C2CD5: variants seen among roughly 807,000 people sequenced by gnomAD.
C2CD5 encodes the protein C2 domain-containing protein 5.
Under a neutral mutation model 130.3 loss-of-function variants are expected in C2CD5, and 109 were observed. The ratio of observed to expected loss-of-function variants is 0.84; its 90% CI spans 0.72 to 0.98. The LOEUF (loss-of-function observed/expected upper bound fraction) is 0.98, where lower values mean the gene tolerates loss of function less well. Ranked by LOEUF, C2CD5 falls within the 50% of genes least tolerant of loss-of-function variation. C2CD5 has a pLI of 0.00. For synonymous variants in C2CD5, 454 were observed against 429.2 expected (o/e 1.06, Z -0.71); for missense variants, 996 against 1,261.8 (o/e 0.79, Z 3.19).
intron 10 of C2CD5, among the ~76,000 whole-genome samples, chr12:22,503,124 T>C (rs1948020128): frequency 1.3e-5 from 2 of 152,196 alleles, no homozygotes; most frequent in African/African-American, 4.8e-5. Context: ...TAATAATCCA[T>C]AGTTAGCAGG....
rs752250573 is a variant in C2CD5 at position 22,474,875 on chromosome 12, A to T, written c.1919T>A (p.Ile640Asn). ...AGGTTCTGGGATGGGTGATCCTATA[A>T]TCTCTTCAGATATCTCCTAAAAGAA... ...EINPPEISEEIIGSPIPEPRQ... is the reference protein window; with the variant it reads ...EINPPEISEENIGSPIPEPRQ... The change falls in exon 16 of 27, where the codon ATT (isoleucine) becomes AAT (asparagine). Residue 640 changes from isoleucine to asparagine, a missense_variant. Physicochemically the swap from Ile to Asn is moderately radical, Grantham distance 149. This residue lies in a region of C2CD5 where 590 missense variants were observed against 631.4 expected (regional missense o/e 0.93). Transcript: ENST00000446597. 35 of 1,590,288 alleles carry T rather than the reference A, an allele frequency of 2.2e-5. No individual in the cohort carries two copies. The Admixed American group carries it at 6.1e-4, about 28-fold the overall frequency.
chr12:22,453,266 G>C (rs960915825), intron 26 of C2CD5, among the ~76,000 whole-genome samples: 2 of 152,100 alleles, frequency 1.3e-5, no homozygotes, highest in Non-Finnish European at 2.9e-5. Flanking sequence ...ATTCATCACA[G>C]TGTACCAGTG....
At chr12:22,520,028 CT>C (rs1950128029) in intron 7 of C2CD5, among the ~76,000 whole-genome samples, 1 of 151,882 alleles carries the variant, frequency 6.6e-6, no homozygotes, top group African/African-American at 2.4e-5. Flanking sequence ...TGTGTGTATA[CT>C]TAGAGCAGTT....
intron 16 of C2CD5, 87 bp from the exon 17 acceptor site, chr12:22,472,894 A>C: frequency 1.3e-6 from 1 of 775,892 alleles, no homozygotes; most frequent in Non-Finnish European, 2.2e-6. Flanking sequence ...AGTCAAGAAA[A>C]GGCAGAGTCA....
chr12:22,488,875 C>CT (rs149777462), intron 12 of C2CD5, among the ~76,000 whole-genome samples: 6,645 of 137,680 alleles, frequency 0.048, 170 homozygotes, highest in South Asian at 0.11. Context: ...AATTTTTTTG[C>CT]TTTTTTTTTT....
At chr12:22,520,040 AT>A (rs757361580) in intron 7 of C2CD5, among the ~76,000 whole-genome samples, 1 of 152,174 alleles carries the variant, frequency 6.6e-6, no homozygotes, top group Non-Finnish European at 1.5e-5. Flanking sequence ...TAGAGCAGTT[AT>A]ACAAGTATAT....
At position 22,518,071 on chromosome 12, in the gene C2CD5, G is replaced by GT; in HGVS notation, c.866dup (p.Asn289LysfsTer20). On this transcript the variant is annotated frameshift_variant, in exon 8 of 27. Transcript: ENST00000446597. LOFTEE classifies it high-confidence loss of function. ...TGGAAGGTGAAAAGGAATAAGTTTGGTTTTTCAGAGGGGTTGAGGGTCCTG... is the reference window on the plus strand; with the variant it reads ...TGGAAGGTGAAAAGGAATAAGTTTGGTTTTTTCAGAGGGGTTGAGGGTCCTG... 6.2e-7 allele frequency: 1 copy of GT among 1,613,824 alleles called. No individual in the cohort carries two copies. Among genetic ancestry groups the GT allele is most frequent in the Non-Finnish European group, 8.5e-7 (1 of 1,179,688 alleles).
At chr12:22,454,997 G>T (rs1939518112) in intron 25 of C2CD5, among the ~76,000 whole-genome samples, 1 of 152,102 alleles carries the variant, frequency 6.6e-6, no homozygotes, top group South Asian at 2.1e-4. Context: ...TTCAACCTAG[G>T]TTTCCACAAA....
intron 3 of C2CD5, 30 bp from the exon 4 acceptor site, chr12:22,527,922 T>C (rs775905910): frequency 1.7e-5 from 25 of 1,438,644 alleles, no homozygotes; most frequent in African/African-American, 1.3e-4. Flanking sequence ...TTAAAACTCA[T>C]ATAGTTTTTA....
chr12:22,504,437 G>A (rs550495918), intron 10 of C2CD5, among the ~76,000 whole-genome samples: 129 of 152,034 alleles, frequency 8.5e-4, no homozygotes, highest in Admixed American at 2.4e-3. Flanking sequence ...GAGTAGCTGG[G>A]ACTACAGGCG....
intron 22 of C2CD5, among the ~76,000 whole-genome samples, chr12:22,468,764 A>G (rs1362319879): frequency 3.9e-5 from 6 of 152,212 alleles, no homozygotes; most frequent in Non-Finnish European, 4.4e-5. Context: ...TTGAAATATG[A>G]GACAAGATCT....
intron 15 of C2CD5, 42 bp downstream of exon 15, chr12:22,478,271 A>G: frequency 6.6e-7 from 1 of 1,511,750 alleles, no homozygotes; most frequent in Non-Finnish European, 9.2e-7. Flanking sequence ...ATACTAATAA[A>G]CAATAACTGA....
chr12:22,530,099 T>TATAC (rs1473948538), intron 3 of C2CD5, among the ~76,000 whole-genome samples: 1 of 113,340 alleles, frequency 8.8e-6, no homozygotes, highest in Non-Finnish European at 1.8e-5. Flanking sequence ...TATATATATA[T>TATAC]ATATATATAT....
chr12:22,511,527 G>C (rs1406005483), intron 9 of C2CD5, among the ~76,000 whole-genome samples: 1 of 152,164 alleles, frequency 6.6e-6, no homozygotes. Flanking sequence ...GCCAACTCAG[G>C]ACTGACAAGG....
intron 16 of C2CD5, 26 bp from the exon 17 acceptor site, chr12:22,472,833 T>A (rs1343240334): frequency 1.6e-6 from 2 of 1,221,522 alleles, no homozygotes; most frequent in Non-Finnish European, 2.4e-6. Context: ...AAAACTATTT[T>A]ATAAGTAGTA....
chr12:22,525,330 T>C (rs1314645483), intron 5 of C2CD5, among the ~76,000 whole-genome samples: 2 of 152,200 alleles, frequency 1.3e-5, no homozygotes, highest in African/African-American at 2.4e-5. Context: ...AGCACCATAG[T>C]GCTTAGCCGT....
chr12:22,491,796 C>T (rs924512380), intron 11 of C2CD5, among the ~76,000 whole-genome samples: 1 of 146,678 alleles, frequency 6.8e-6, no homozygotes. Flanking sequence ...CACTTGAACC[C>T]GGGAGGTGGA....
intron 26 of C2CD5, among the ~76,000 whole-genome samples, chr12:22,452,926 A>G (rs1939013691): frequency 6.6e-6 from 1 of 152,118 alleles, no homozygotes; most frequent in East Asian, 1.9e-4. Context: ...ACAATTTTGC[A>G]TTTCCATAAT....
At chr12:22,521,544 T>C (rs1950266719) in intron 7 of C2CD5, among the ~76,000 whole-genome samples, 1 of 152,130 alleles carries the variant, frequency 6.6e-6, no homozygotes, top group South Asian at 2.1e-4. Flanking sequence ...CTAGTAAATA[T>C]TTACTTAAAT....
Sources: allele counts gnomAD v4.1 joint callset (sites outside exome capture counted in the v4.1 genomes callset), GRCh38; gene constraint gnomAD v4.1.1; regional missense constraint gnomAD v4.1.1; transcripts MANE v1.5; gene names NCBI Gene and HGNC (gene_info 2026-07-23, HGNC 2026-07-21).